NLRP1: variants seen among roughly 807,000 people sequenced by gnomAD.
NLRP1 encodes the protein NACHT, LRR and PYD domains-containing protein 1.
In NLRP1, 94 loss-of-function variants were observed where a neutral mutation model predicts 136.7. That is an observed-to-expected ratio of 0.69 (90% CI 0.58 to 0.82). NLRP1 has a LOEUF of 0.82. NLRP1 is among the 40% of genes least tolerant of loss of function. The pLI is 0.00. For synonymous variants in NLRP1, 690 were observed against 725.1 expected, an observed-to-expected ratio of 0.95 and a Z score of 0.78; for missense variants, 1,575 against 1,802.7, an observed-to-expected ratio of 0.87 and a Z score of 2.29.
chr17:5,544,492 C>T (rs1912302795), intron 5 of NLRP1, among the ~76,000 whole-genome samples: 2 of 152,194 alleles, frequency 1.3e-5, no homozygotes, highest in Admixed American at 1.3e-4. Flanking sequence ...GATCTGGTGA[C>T]TTGTGGGAGA....
chr17:5,511,158 C>T (rs761195242), downstream of NLRP1, among the ~76,000 whole-genome samples: 17 of 152,236 alleles, frequency 1.1e-4, no homozygotes, highest in Non-Finnish European at 1.6e-4. Context: ...AGGCCGGGCA[C>T]GGTGGCTCAC....
chr17:5,524,672 C>A (rs1909311496), intron 12 of NLRP1, among the ~76,000 whole-genome samples: 1 of 152,246 alleles, frequency 6.6e-6, no homozygotes, highest in South Asian at 2.1e-4. Flanking sequence ...GTTGAGGGAG[C>A]TGAAATCCTG....
rs1030907263 is a variant in NLRP1 at position 5,559,537 on chromosome 17, C to A, written c.1159G>T (p.Asp387Tyr). The A allele has an allele frequency of 1.2e-6, 2 of 1,614,062 alleles. No individual in the cohort carries two copies. Among genetic ancestry groups the A allele is most frequent in the Admixed American group, 1.7e-5 (1 of 60,002 alleles). Residue 387 changes from aspartate (D) to tyrosine (Y), a missense_variant, in exon 4 of 17, where the codon GAT becomes TAT. Transcript: ENST00000572272. ...ATGGGAGCCGGAGTGGCTGTCCCAT[C>A]TTTTCCGATGAGCTCAGCGAGACTC... ...VVSLAELIGK[D>Y]GTATPAPIRQ... is the part of the protein sequence containing the mutation.
chr17:5,563,708 T>G (rs1432068805), intron 3 of NLRP1, among the ~76,000 whole-genome samples: 3 of 152,210 alleles, frequency 2.0e-5, no homozygotes. Flanking sequence ...TTTGAAGATA[T>G]TGTCCACAAA....
At chr17:5,517,183 G>C (rs1394913398) in intron 15 of NLRP1, among the ~76,000 whole-genome samples, 1 of 152,152 alleles carries the variant, frequency 6.6e-6, no homozygotes, top group African/African-American at 2.4e-5. Flanking sequence ...CAAGGGCACT[G>C]TGAAGACACC....
intron 5 of NLRP1, 89 bp from the exon 6 acceptor site, chr17:5,542,116 AC>A: frequency 7.5e-7 from 1 of 1,337,780 alleles, no homozygotes; most frequent in African/African-American, 1.4e-5. Context: ...CCTACTATGC[AC>A]CAGGCCTGTG....
chr17:5,507,189 G>C (rs78437751), intron 15 of NLRP1, among the ~76,000 whole-genome samples: 1 of 152,066 alleles, frequency 6.6e-6, no homozygotes, highest in Non-Finnish European at 1.5e-5. Context: ...GTTGCACGTC[G>C]AGGTGAATGT....
chr17:5,577,740 A>C lies in NLRP1; in HGVS notation c.652+4119T>G, dbSNP rs1388725949. Among the ~76,000 whole-genome samples, 7 of 152,236 alleles carry C rather than the reference A, an allele frequency of 4.6e-5. No homozygotes were observed. The East Asian group carries it at 1.3e-3, about 29-fold the overall frequency. ...CATCAAGCTACCAATGACTTTCTTCACAGAATTGGAAAAAACGACTTAAAA... is the reference window on the plus strand; with the variant it reads ...CATCAAGCTACCAATGACTTTCTTCCCAGAATTGGAAAAAACGACTTAAAA... On this transcript the variant is annotated intron_variant, in intron 3 of 16. Transcript: ENST00000572272.
At position 5,532,887 on chromosome 17, in the gene NLRP1, A is replaced by G. The variant is rs1328428009; in HGVS notation, c.3231T>C (p.Asp1077=). The part of the protein sequence containing the change: ...DLHTKPLGTD[D]DFWGPTGPVA... ...CAGGCCCCGTGGGGCCCCAGAAGTCATCGTCAGTCCCCAAAGGCTTCGTAT... is the reference window on the plus strand; with the variant it reads ...CAGGCCCCGTGGGGCCCCAGAAGTCGTCGTCAGTCCCCAAAGGCTTCGTAT... The change falls in exon 11 of 17, where the codon GAT becomes GAC. Residue 1077 remains aspartate, a synonymous_variant. Transcript: ENST00000572272. The G allele has an allele frequency of 4.3e-6, 7 of 1,613,654 alleles. No homozygotes were observed. The highest frequency in any genetic ancestry group is 2.2e-5 in the East Asian group (1 of 44,848).
At chr17:5,502,422 G>C (rs1198818397) in intron 15 of NLRP1, 1 of 159,948 alleles carries the variant, frequency 6.3e-6, no homozygotes, top group Non-Finnish European at 1.4e-5. Context: ...CTGAGTACCT[G>C]GGATTACAGG....
chr17:5,560,904 C>G (rs1914660997), intron 3 of NLRP1, among the ~76,000 whole-genome samples: 1 of 152,230 alleles, frequency 6.6e-6, no homozygotes, highest in Admixed American at 6.5e-5. Context: ...CTGTGAGAAG[C>G]TGAGGTTATA....
At chr17:5,564,133 T>A (rs906494071) in intron 3 of NLRP1, among the ~76,000 whole-genome samples, 74 of 152,344 alleles carry the variant, frequency 4.9e-4, no homozygotes, top group Non-Finnish European at 7.3e-4. Flanking sequence ...AAGTAAGCAC[T>A]GTAAAATAAG....
chr17:5,558,259 G>T, intron 4 of NLRP1, 80 bp downstream of exon 4: 1 of 1,480,510 alleles, frequency 6.8e-7, no homozygotes, highest in Non-Finnish European at 9.1e-7. Context: ...CAGGCTCAGT[G>T]AGCATGCCTC....
intron 14 of NLRP1, among the ~76,000 whole-genome samples, chr17:5,520,392 A>T (rs1051988292): frequency 6.6e-6 from 1 of 151,952 alleles, no homozygotes; most frequent in African/African-American, 2.4e-5. Flanking sequence ...TTCTTCCACA[A>T]ATCTCCGTGT....
At chr17:5,520,729 G>T in intron 14 of NLRP1, 152 bp downstream of exon 14, 1 of 687,786 alleles carries the variant, frequency 1.5e-6, no homozygotes, top group Non-Finnish European at 2.3e-6. Context: ...TCCTAGTCTT[G>T]GAAGCATTCC....
intron 3 of NLRP1, among the ~76,000 whole-genome samples, chr17:5,567,180 TAAGG>T (rs986056475): frequency 3.3e-5 from 5 of 152,086 alleles, no homozygotes; most frequent in Non-Finnish European, 7.4e-5. Context: ...TATTGATAAG[TAAGG>T]ACTTACTCTT....
chr17:5,558,788 G>T lies in NLRP1; in HGVS notation c.1908C>A (p.Val636=), dbSNP rs1020822880. Residue 636 remains valine (V), a synonymous_variant, in exon 4 of 17, where the codon GTC becomes GTA. Coordinates refer to ENST00000572272, the MANE Select transcript of NLRP1 (RefSeq NM_033004.4). ...FQEFFAAMSY[V]LEDEKGRGKH... Reference sequence around the variant, plus strand: ...TACCTCTCCCCTTCTCATCCTCCAAGACATAGGACATTGCTGCAAAGAACT... The same window carrying T: ...TACCTCTCCCCTTCTCATCCTCCAATACATAGGACATTGCTGCAAAGAACT... 6.2e-7 allele frequency: 1 copy of T among 1,614,082 alleles called. No individual in the cohort carries two copies. The highest frequency in any genetic ancestry group is 1.3e-5 in the African/African-American group (1 of 75,020).
At chr17:5,535,570 C>A (rs913890175) in intron 8 of NLRP1, among the ~76,000 whole-genome samples, 2 of 152,216 alleles carry the variant, frequency 1.3e-5, no homozygotes, top group Non-Finnish European at 2.9e-5. Flanking sequence ...TGCGCAGACA[C>A]TTCTGGGATA....
At chr17:5,553,230 A>G (rs1280349206) in intron 5 of NLRP1, among the ~76,000 whole-genome samples, 156 bp downstream of exon 5, 2 of 151,986 alleles carry the variant, frequency 1.3e-5, no homozygotes, top group African/African-American at 4.8e-5. Context: ...TGAGCAAAAA[A>G]TCCTATCTGT....
Sources: allele counts gnomAD v4.1 joint callset (sites outside exome capture counted in the v4.1 genomes callset), GRCh38; gene constraint gnomAD v4.1.1; transcripts MANE v1.5; gene names NCBI Gene and HGNC (gene_info 2026-07-23, HGNC 2026-07-21).